Variants in TBCA observed in about 807,000 individuals in gnomAD.
TBCA encodes the protein tubulin-specific chaperone A.
In TBCA, 6 loss-of-function variants were observed where a neutral mutation model predicts 15.8. The observed-to-expected ratio is 0.38, with a 90% CI of 0.21 to 0.75. The LOEUF is 0.75. TBCA is among the 30% of genes least tolerant of loss of function. TBCA has a pLI of 0.46. For synonymous variants in TBCA, 32 were observed against 42.3 expected (o/e 0.76, Z 0.94); for missense variants, 90 against 131.2 (o/e 0.69, Z 1.53).
intron 1 of TBCA, among the ~76,000 whole-genome samples, chr5:77,757,052 A>G (rs1035981614): frequency 1.6e-4 from 25 of 152,178 alleles, no homozygotes; most frequent in African/African-American, 5.6e-4. Flanking sequence ...GCTTGGTTTT[A>G]TTCTGGTTTT....
intron 1 of TBCA, chr5:77,715,274 AAAG>A (rs1279205963): frequency 1.4e-6 from 1 of 702,422 alleles, no homozygotes; most frequent in Non-Finnish European, 2.6e-6. Flanking sequence ...AAAACCAAGA[AAAG>A]AAGCCATGAA....
rs1746128945 is a variant in TBCA, at chr5:77,705,434, C to T, written c.159+2808G>A. On this transcript the variant is annotated intron_variant, in intron 2 of 3. Coordinates refer to ENST00000380377, the MANE Select transcript of TBCA (RefSeq NM_004607.3). ...CTAGATGTAGGAAAACAATAGAAGA[C>T]TTAAGAGTGAAAGAGGTACAAAAGC... 7.6e-6 allele frequency: 3 copies of T among 392,230 alleles called. No individual in the cohort carries two copies. The Admixed American group carries it at 1.3e-4, about 17-fold the overall frequency. 24.3% of individuals were successfully genotyped at this position (392,230 alleles called of 1,614,324 possible).
At chr5:77,711,158 C>A (rs756823457) in intron 1 of TBCA, among the ~76,000 whole-genome samples, 1 of 151,978 alleles carries the variant, frequency 6.6e-6, no homozygotes, top group African/African-American at 2.4e-5. Context: ...ATTTGTCATA[C>A]GAAAATACAG....
chr5:77,738,062 A>G (rs1746950201), intron 1 of TBCA, among the ~76,000 whole-genome samples: 1 of 152,210 alleles, frequency 6.6e-6, no homozygotes, highest in South Asian at 2.1e-4. Flanking sequence ...TACCTCTTGG[A>G]TGAGCAGAGG....
At chr5:77,729,371 C>T (rs866160537) in intron 1 of TBCA, among the ~76,000 whole-genome samples, 45 of 152,164 alleles carry the variant, frequency 3.0e-4, no homozygotes, top group Non-Finnish European at 2.9e-4. Context: ...CTCCATTAGG[C>T]TAGCCCATTC....
chr5:77,754,594 T>C (rs1056096423), intron 1 of TBCA, among the ~76,000 whole-genome samples: 2 of 152,224 alleles, frequency 1.3e-5, no homozygotes, highest in African/African-American at 2.4e-5. Context: ...CATTTTTATA[T>C]CCTGTGAATT....
intron 1 of TBCA, among the ~76,000 whole-genome samples, chr5:77,712,591 T>A (rs1176267237): frequency 6.6e-6 from 1 of 152,146 alleles, no homozygotes; most frequent in African/African-American, 2.4e-5. Context: ...AACAAAATTT[T>A]AAAAATCACT....
intron 1 of TBCA, among the ~76,000 whole-genome samples, chr5:77,753,258 T>C (rs1392756603): frequency 6.6e-6 from 1 of 152,356 alleles, no homozygotes; most frequent in East Asian, 1.9e-4. Context: ...CAAAGTCATG[T>C]GAATTAAAAG....
chr5:77,755,779 C>A (rs1284978476), intron 1 of TBCA, among the ~76,000 whole-genome samples: 2 of 151,938 alleles, frequency 1.3e-5, no homozygotes, highest in Non-Finnish European at 2.9e-5. Flanking sequence ...CCAAGGAGGG[C>A]AGATCACCTG....
At chr5:77,719,386 T>C (rs1746477661) in intron 1 of TBCA, among the ~76,000 whole-genome samples, 1 of 152,154 alleles carries the variant, frequency 6.6e-6, no homozygotes, top group African/African-American at 2.4e-5. Flanking sequence ...CACAAAAGAA[T>C]ATACTGTGAA....
intron 1 of TBCA, chr5:77,715,124 A>C: frequency 1.6e-6 from 1 of 625,536 alleles, no homozygotes; most frequent in East Asian, 2.7e-5. Context: ...AAGATTTCAA[A>C]GAGGCAATAA....
chr5:77,776,338 A>G lies in TBCA; in HGVS notation c.-81T>C, dbSNP rs1251085429. 2.0e-6 allele frequency: 3 copies of G among 1,512,520 alleles called. No homozygotes were observed. The highest frequency in any genetic ancestry group is 1.4e-5 in the African/African-American group (1 of 71,782). 93.7% of individuals were successfully genotyped at this position (1,512,520 alleles called of 1,614,324 possible). The stretch of plus-strand genomic sequence containing the variant: ...CGACGCGCAGAGGCTGCGGCTATTT[A>G]GGCGTGGTCGCCGGCGCGCATGCGC... On this transcript the variant is annotated 5_prime_UTR_variant, in exon 1 of 4. Transcript: ENST00000380377.
chr5:77,757,292 C>A (rs946527013), intron 1 of TBCA, among the ~76,000 whole-genome samples: 18 of 152,054 alleles, frequency 1.2e-4, no homozygotes, highest in Non-Finnish European at 1.9e-4. Context: ...CAGAAAAAAA[C>A]CCCAATTCAG....
intron 2 of TBCA, among the ~76,000 whole-genome samples, chr5:77,696,555 A>G (rs576115140): frequency 3.3e-5 from 5 of 152,374 alleles, no homozygotes; most frequent in African/African-American, 1.2e-4. Flanking sequence ...GCTGTCTACA[A>G]GAAACTCATT....
At position 77,733,995 on chromosome 5, in the gene TBCA, T is replaced by G. The variant is rs376797648; in HGVS notation, c.54-25648A>C. On this transcript the variant is annotated intron_variant, in intron 1 of 3. Coordinates refer to ENST00000380377, the MANE Select transcript of TBCA (RefSeq NM_004607.3). ...GGGCCCATAAGAATTATGCTAAATCTCCTCTGCCTGTGCTCTATAAATGAA... is the reference window on the plus strand; with the variant it reads ...GGGCCCATAAGAATTATGCTAAATCGCCTCTGCCTGTGCTCTATAAATGAA... Among the ~76,000 whole-genome samples, 76 of 152,314 alleles carry G rather than the reference T, an allele frequency of 5.0e-4. No individual in the cohort carries two copies. The South Asian group carries it at 0.015, about 31-fold the overall frequency.
intron 1 of TBCA, among the ~76,000 whole-genome samples, chr5:77,769,605 T>C (rs1747860534): frequency 6.6e-6 from 1 of 152,034 alleles, no homozygotes; most frequent in African/African-American, 2.4e-5. Flanking sequence ...CACAGTTGTA[T>C]ATAGGATGTA....
chr5:77,709,141 G>A (rs771617805), intron 1 of TBCA, among the ~76,000 whole-genome samples: 20 of 151,988 alleles, frequency 1.3e-4, no homozygotes, highest in African/African-American at 2.4e-4. Context: ...CAACAAAATC[G>A]TTTAACAAGT....
chr5:77,711,401 A>G lies in TBCA; in HGVS notation c.54-3054T>C, dbSNP rs1422410. On this transcript the variant is annotated intron_variant, in intron 1 of 3. Coordinates refer to ENST00000380377, the MANE Select transcript of TBCA (RefSeq NM_004607.3). The stretch of plus-strand genomic sequence containing the variant: ...AATTCTGTCCATCACCTACTTAATT[A>G]TATCAGCATTAACACACTACACCGA... Among the ~76,000 whole-genome samples the G allele has an allele frequency of 8.0e-3, 1,224 of 152,266 alleles. 20 individuals are homozygous for G. The highest frequency in any genetic ancestry group is 0.027 in the African/African-American group (1,141 of 41,548).
chr5:77,709,710 C>A (rs1746232884), intron 1 of TBCA, among the ~76,000 whole-genome samples: 1 of 152,008 alleles, frequency 6.6e-6, no homozygotes, highest in East Asian at 1.9e-4. Flanking sequence ...AAAATATATG[C>A]CCACAGAAAA....
Sources: allele counts gnomAD v4.1 joint callset (sites outside exome capture counted in the v4.1 genomes callset), GRCh38; gene constraint gnomAD v4.1.1; transcripts MANE v1.5; gene names NCBI Gene and HGNC (gene_info 2026-07-23, HGNC 2026-07-21).